The following VEPH1 variants were observed in gnomAD, a reference collection of about 807,000 sequenced individuals.
The protein encoded by VEPH1 is ventricular zone expressed PH domain containing 1, also known as ventricular zone-expressed PH domain-containing protein homolog 1.
VEPH1 carries 80 observed loss-of-function variants against 85.2 expected under a neutral mutation model. The ratio of observed to expected loss-of-function variants is 0.94; its 90% CI spans 0.78 to 1.13. The LOEUF is 1.13. VEPH1 is among the 50% of genes most tolerant of loss of function. VEPH1 has a pLI of 0.00. For missense variants in VEPH1, 955 were observed against 980.5 expected (o/e 0.97, Z 0.35); for synonymous variants, 297 against 348.0 (o/e 0.85, Z 1.63).
rs191094011 is a variant in VEPH1, at chr3:157,402,603, G to T, written c.906+11278C>A. On this transcript the variant is annotated intron_variant, in intron 6 of 13. Coordinates refer to ENST00000362010, the MANE Select transcript of VEPH1 (RefSeq NM_001167912.2). ...TATTTTCTACTTTTCTGAGTGAATT[G>T]TTAGATGTTTAGACCTTTATAGGAT... Among the ~76,000 whole-genome samples the T allele has an allele frequency of 5.9e-5, 9 of 152,264 alleles. No homozygotes were observed. In the East Asian group the frequency reaches 9.6e-4, roughly 16 times the overall value.
chr3:157,309,365 T>G (rs1353953165), intron 11 of VEPH1, among the ~76,000 whole-genome samples: 2 of 152,200 alleles, frequency 1.3e-5, no homozygotes, highest in African/African-American at 4.8e-5. Context: ...AACACATCTT[T>G]CCATTTCTAG....
intron 11 of VEPH1, among the ~76,000 whole-genome samples, chr3:157,311,115 A>G (rs1273563934): frequency 3.3e-5 from 5 of 152,246 alleles, no homozygotes; most frequent in African/African-American, 4.8e-5. Flanking sequence ...CTCTGGCAAC[A>G]CAATGGTCAA....
chr3:157,406,011 T>A (rs73020283), intron 6 of VEPH1, among the ~76,000 whole-genome samples: 2,584 of 152,272 alleles, frequency 0.017, 83 homozygotes, highest in African/African-American at 0.06. Flanking sequence ...GTACTCAAAG[T>A]TTGCCTTTGT....
chr3:157,500,720 A>G (rs1429090464), intron 1 of VEPH1, among the ~76,000 whole-genome samples: 1 of 152,020 alleles, frequency 6.6e-6, no homozygotes, highest in African/African-American at 2.4e-5. Flanking sequence ...TAATCCCTAG[A>G]TTTTTATCCA....
chr3:157,470,623 C>T, intron 2 of VEPH1, 94 bp from the exon 3 acceptor site: 1 of 1,240,134 alleles, frequency 8.1e-7, no homozygotes, highest in South Asian at 1.3e-5. Flanking sequence ...AAAATGGGTG[C>T]ACCAGGCTGT....
chr3:157,334,453 C>T (rs1371035023), intron 9 of VEPH1, among the ~76,000 whole-genome samples: 1 of 152,142 alleles, frequency 6.6e-6, no homozygotes, highest in African/African-American at 2.4e-5. Flanking sequence ...AAAAATGTTA[C>T]AGATTACTTG....
chr3:157,263,696 C>G (rs924517), intron 13 of VEPH1, among the ~76,000 whole-genome samples: 76,291 of 151,922 alleles, frequency 0.5, 20,588 homozygotes, highest in East Asian at 0.72. Context: ...AGTAGCATGA[C>G]TACACAGTAG....
At chr3:157,361,109 A>G (rs1240299164) in intron 9 of VEPH1, among the ~76,000 whole-genome samples, 1 of 152,222 alleles carries the variant, frequency 6.6e-6, no homozygotes, top group Non-Finnish European at 1.5e-5. Context: ...ATAGATACAC[A>G]GATTATTAGC....
intron 4 of VEPH1, chr3:157,443,123 G>A: frequency 2.1e-6 from 2 of 944,034 alleles, no homozygotes; most frequent in South Asian, 2.0e-5. Context: ...TATTTGTACT[G>A]GCCAAATACT....
intron 11 of VEPH1, among the ~76,000 whole-genome samples, chr3:157,295,057 C>G (rs895414629): frequency 1.1e-4 from 17 of 152,094 alleles, no homozygotes; most frequent in African/African-American, 3.6e-4. Context: ...CTGTTCCACC[C>G]CCTATGTAAA....
chr3:157,283,862 T>G (rs1716441693), intron 12 of VEPH1, among the ~76,000 whole-genome samples: 1 of 152,220 alleles, frequency 6.6e-6, no homozygotes, highest in African/African-American at 2.4e-5. Flanking sequence ...ACCCAGTTTA[T>G]TTGGCCTTTT....
intron 2 of VEPH1, among the ~76,000 whole-genome samples, chr3:157,492,954 C>T (rs1470152053): frequency 1.3e-5 from 2 of 152,068 alleles, no homozygotes; most frequent in Admixed American, 6.5e-5. Context: ...GCACCGTCCT[C>T]ATGATAAATC....
intron 11 of VEPH1, among the ~76,000 whole-genome samples, chr3:157,311,263 A>G (rs1451628158): frequency 1.3e-5 from 2 of 152,210 alleles, no homozygotes; most frequent in African/African-American, 4.8e-5. Context: ...AGAATGTTAT[A>G]TTCTAGATAC....
chr3:157,420,361 T>A (rs947609081), intron 5 of VEPH1, among the ~76,000 whole-genome samples: 6 of 151,976 alleles, frequency 3.9e-5, no homozygotes, highest in African/African-American at 1.5e-4. Context: ...AAAAGAGCAA[T>A]TATGTACACA....
At chr3:157,358,683 C>G (rs1035120098) in intron 9 of VEPH1, among the ~76,000 whole-genome samples, 1 of 152,110 alleles carries the variant, frequency 6.6e-6, no homozygotes, top group Non-Finnish European at 1.5e-5. Flanking sequence ...TTGTCATTAA[C>G]CATGAAAACA....
chr3:157,428,371 T>C lies in VEPH1; in HGVS notation c.647A>G (p.Tyr216Cys), dbSNP rs370375816. ...LMSQLEQPEQ[Y>C]HLLRLLHVAA... is the part of the protein sequence containing the mutation. The stretch of plus-strand genomic sequence containing the variant: ...TACATGCAAAAGCCGTAGTAGATGG[T>C]ACTGTTCTGGCTGTTCCAGCTGAGA... The change falls in exon 5 of 14, where the codon TAC (tyrosine) becomes TGC (cysteine). Residue 216 changes from tyrosine to cysteine, a missense_variant. Tyr to Cys is a radical substitution (Grantham distance 194, BLOSUM62 -2). Coordinates refer to ENST00000362010, the MANE Select transcript of VEPH1 (RefSeq NM_001167912.2). 3.1e-6 allele frequency: 5 copies of C among 1,614,040 alleles called. No individual in the cohort carries two copies. In the African/African-American group the frequency reaches 6.7e-5, roughly 22 times the overall value.
intron 12 of VEPH1, among the ~76,000 whole-genome samples, chr3:157,272,468 CTT>C (rs375985657): frequency 8.5e-6 from 1 of 117,914 alleles, no homozygotes; most frequent in Non-Finnish European, 1.8e-5. Flanking sequence ...TTCTCCCTTT[CTT>C]TTTTTTTTTC....
chr3:157,267,320 CTCCTGGCCTCAGGTGA>C (rs2108262613), intron 12 of VEPH1, among the ~76,000 whole-genome samples: 1 of 149,138 alleles, frequency 6.7e-6, no homozygotes, highest in South Asian at 2.2e-4. Flanking sequence ...TGGTCTCAAA[CTCCTGGCCTCAGGTGA>C]TCCATCCACC....
At chr3:157,395,420 T>C (rs1730273104) in intron 6 of VEPH1, among the ~76,000 whole-genome samples, 1 of 152,178 alleles carries the variant, frequency 6.6e-6, no homozygotes, top group African/African-American at 2.4e-5. Context: ...AGTAGCCAGA[T>C]CAGCCTTTGT....
Sources: gnomAD v4.1 joint callset for allele counts (sites outside exome capture counted in the v4.1 genomes callset) on GRCh38, gnomAD v4.1.1 for gene constraint, MANE v1.5 for transcripts, NCBI Gene and HGNC (gene_info 2026-07-23, HGNC 2026-07-21) for gene names.